The following ARHGAP39 variants were observed in gnomAD, a reference collection of about 807,000 sequenced individuals.
The protein encoded by ARHGAP39 is rho GTPase-activating protein 39.
A neutral mutation model predicts 106.9 loss-of-function variants in ARHGAP39; 44 were observed. The observed-to-expected ratio is 0.41, with a 90% confidence interval of 0.32 to 0.53. ARHGAP39 has a LOEUF of 0.53. ARHGAP39 is among the 20% of genes least tolerant of loss of function. The pLI is 0.21. For missense variants in ARHGAP39, 1,496 were observed against 1,577.3 expected, an observed-to-expected ratio of 0.95 and a Z score of 0.87; for synonymous variants, 768 against 693.2, an observed-to-expected ratio of 1.11 and a Z score of -1.69.
chr8:144,637,039 C>CGTGTCTTT (rs1175070914), intron 1 of ARHGAP39, among the ~76,000 whole-genome samples: 10 of 152,278 alleles, frequency 6.6e-5, no homozygotes, highest in African/African-American at 2.2e-4. Context: ...TTCCAGACGC[C>CGTGTCTTT]GTGTCTTTGT....
the ARHGAP39 span, among the ~76,000 whole-genome samples, chr8:144,697,388 T>G: frequency 1.3e-5 from 2 of 152,132 alleles, no homozygotes; most frequent in African/African-American, 4.8e-5. Context: ...GAGTTTATGG[T>G]TAATAATTTT....
chr8:144,532,209 C>T, intron 10 of ARHGAP39, 96 bp downstream of exon 10: 1 of 998,074 alleles, frequency 1.0e-6, no homozygotes, highest in Non-Finnish European at 1.5e-6. Flanking sequence ...CATCACTGGG[C>T]AGGATCAGGG....
intron 10 of ARHGAP39, among the ~76,000 whole-genome samples, chr8:144,531,100 T>G (rs1816692039): frequency 1.3e-5 from 2 of 152,220 alleles, no homozygotes; most frequent in Non-Finnish European, 2.9e-5. Context: ...CCAGCAGAGT[T>G]GTGCAAAACA....
intron 1 of ARHGAP39, among the ~76,000 whole-genome samples, chr8:144,672,889 A>C (rs1043317975): frequency 2.6e-5 from 4 of 152,158 alleles, no homozygotes; most frequent in Non-Finnish European, 5.9e-5. Context: ...TTCTGCACGG[A>C]GACCAGTGTA....
At chr8:144,652,514 G>A (rs557563552) in intron 1 of ARHGAP39, among the ~76,000 whole-genome samples, 2 of 152,248 alleles carry the variant, frequency 1.3e-5, no homozygotes, top group African/African-American at 2.4e-5. Context: ...CAATCTACAC[G>A]TCCATCAATG....
intron 6 of ARHGAP39, among the ~76,000 whole-genome samples, chr8:144,538,043 G>A (rs554158959): frequency 1.3e-5 from 2 of 152,348 alleles, no homozygotes; most frequent in African/African-American, 2.4e-5. Flanking sequence ...CTGTGCTGGC[G>A]TGAGTGGAGG....
chr8:144,691,819 G>C, the ARHGAP39 span, among the ~76,000 whole-genome samples: 2 of 152,040 alleles, frequency 1.3e-5, no homozygotes, highest in South Asian at 4.2e-4. Flanking sequence ...TTTCATCTCA[G>C]ACTAAACTTC....
chr8:144,561,703 CACACTCCA>C (rs1564848695), intron 3 of ARHGAP39, among the ~76,000 whole-genome samples: 3 of 151,706 alleles, frequency 2.0e-5, no homozygotes, highest in African/African-American at 7.3e-5. Flanking sequence ...TGGTTTCCAT[CACACTCCA>C]GTGGTTTCCA....
Position 144,665,969 on chromosome 8 carries a change from C to T in ARHGAP39, c.-82+19717G>A, listed in dbSNP as rs191478516. ...GCCTGGAAAAGCTGCAGACACTAAA[C>T]GTCAGCCTGTGAAAGCAGCCAGGAG... is the stretch of plus-strand genomic sequence containing the variant. On this transcript the variant is annotated intron_variant, in intron 1 of 11. Transcript: ENST00000377307. Among the ~76,000 whole-genome samples the T allele has an allele frequency of 2.3e-3, 356 of 152,300 alleles. 3 individuals are homozygous for T. The highest frequency in any genetic ancestry group is 8.0e-3 in the African/African-American group (334 of 41,554).
intron 9 of ARHGAP39, 95 bp downstream of exon 9, chr8:144,533,031 G>C (rs1416837824): frequency 1.4e-6 from 2 of 1,450,342 alleles, no homozygotes; most frequent in African/African-American, 1.4e-5. Context: ...AAGCAGCCCA[G>C]TGGGCCTGAG....
In ARHGAP39 at chr8:144,547,825, T is replaced by G; in HGVS notation, c.1261A>C (p.Asn421His). The change falls in exon 5 of 12, where the codon AAC becomes CAC. Residue 421 changes from asparagine (N) to histidine (H), a missense_variant. Asn to His is a moderately conservative substitution (Grantham distance 68). This residue lies in a region of ARHGAP39 where 905 missense variants were observed against 816.4 expected (regional missense o/e 1.11). Transcript: ENST00000377307. The surrounding 1 kb of genome is among the most constrained non-coding windows in gnomAD (Gnocchi z 5.2). ...AAGGAGTACGAACCACCGCCGGGGT[T>G]GGGCGCGTACTTGTGCCGCGGGCCG... ...RAGPRHKYAP[N>H]PGGGSYSLQP... The G allele has an allele frequency of 6.3e-7, 1 of 1,591,976 alleles. No homozygotes were observed. Among genetic ancestry groups the G allele is most frequent in the Non-Finnish European group, 8.5e-7 (1 of 1,171,136 alleles).
chr8:144,536,194 G>A (rs996966756), intron 7 of ARHGAP39, among the ~76,000 whole-genome samples: 3 of 152,154 alleles, frequency 2.0e-5, no homozygotes, highest in African/African-American at 4.8e-5. Flanking sequence ...TCCCCCTCCG[G>A]CTGTAGGCAA....
At chr8:144,617,868 A>G (rs1300420604) in intron 1 of ARHGAP39, among the ~76,000 whole-genome samples, 3 of 151,914 alleles carry the variant, frequency 2.0e-5, no homozygotes, top group Non-Finnish European at 4.4e-5. Context: ...TGTAGTCTCA[A>G]CCTCCCGGGC....
intron 4 of ARHGAP39, among the ~76,000 whole-genome samples, chr8:144,551,302 T>C (rs1046423923): frequency 2.0e-5 from 3 of 152,154 alleles, no homozygotes; most frequent in African/African-American, 7.2e-5. Flanking sequence ...TGCCACGCTC[T>C]ATCTCAGGAA....
chr8:144,629,898 G>A (rs548136906), intron 1 of ARHGAP39, among the ~76,000 whole-genome samples: 10 of 152,216 alleles, frequency 6.6e-5, no homozygotes, highest in South Asian at 2.1e-4. Flanking sequence ...TGGCAAAGGC[G>A]GCACCTCCCA....
At chr8:144,654,288 TGA>T (rs1392475902) in intron 1 of ARHGAP39, among the ~76,000 whole-genome samples, 2 of 152,106 alleles carry the variant, frequency 1.3e-5, no homozygotes, top group African/African-American at 4.8e-5. Context: ...GTGGACTGCT[TGA>T]GCCCAGGAGT....
intron 2 of ARHGAP39, among the ~76,000 whole-genome samples, chr8:144,603,255 G>C (rs984568876): frequency 6.6e-6 from 1 of 151,568 alleles, no homozygotes; most frequent in African/African-American, 2.4e-5. Flanking sequence ...GTGTGCTCGT[G>C]TACCTGTGTG....
chr8:144,604,882 G>A lies in ARHGAP39; in HGVS notation c.80+653C>T, dbSNP rs900878001. On this transcript the variant is annotated intron_variant, in intron 2 of 11. Transcript: ENST00000377307. The surrounding 1 kb of genome is among the most constrained non-coding windows in gnomAD (Gnocchi z 4.1). ...CGACGGGAGCAATGCTAGCCACAGG[G>A]TCTCTGGGCAAGGGCACTCGAGCAC... Among the ~76,000 whole-genome samples the A allele has an allele frequency of 2.3e-4, 35 of 152,230 alleles. No individual in the cohort carries two copies. Among genetic ancestry groups the A allele is most frequent in the African/African-American group, 7.5e-4 (31 of 41,452 alleles).
At chr8:144,574,488 G>A (rs1818699953) in intron 3 of ARHGAP39, among the ~76,000 whole-genome samples, 2 of 152,098 alleles carry the variant, frequency 1.3e-5, no homozygotes, top group Non-Finnish European at 2.9e-5. Context: ...GGCTAACACG[G>A]TGCAACCCCA....
Sources: gnomAD v4.1 joint callset for allele counts (sites outside exome capture counted in the v4.1 genomes callset) on GRCh38, gnomAD v4.1.1 for gene constraint, gnomAD v4.1.1 regional missense constraint, Gnocchi (gnomAD v3.1) non-coding constraint, MANE v1.5 for transcripts, NCBI Gene and HGNC (gene_info 2026-07-23, HGNC 2026-07-21) for gene names.